The following PBRM1 variants were observed in gnomAD, a reference collection of about 807,000 sequenced individuals.
PBRM1 encodes polybromo 1.
A neutral mutation model predicts 194.5 loss-of-function variants in PBRM1; 27 were observed. That is an observed-to-expected ratio of 0.14 (90% CI 0.10 to 0.19). The LOEUF (loss-of-function observed/expected upper bound fraction) is 0.19, where lower values mean the gene tolerates loss of function less well. Ranked by LOEUF, PBRM1 falls within the 10% of genes least tolerant of loss-of-function variation. The pLI is 1.00. For missense variants in PBRM1, 1,466 were observed against 2,077.2 expected (o/e 0.71, Z 5.72); for synonymous variants, 655 against 693.2 (o/e 0.94, Z 0.87).
At chr3:52,558,009 C>T (rs1350314208) in intron 26 of PBRM1, among the ~76,000 whole-genome samples, 1 of 152,200 alleles carries the variant, frequency 6.6e-6, no homozygotes, top group Non-Finnish European at 1.5e-5. Context: ...CCAGACCATG[C>T]CCACAGCCAG....
At position 52,617,371 on chromosome 3, in the gene PBRM1, A is replaced by AT; in HGVS notation, c.1708dup (p.Ile570AsnfsTer3). On this transcript the variant is annotated frameshift_variant, in exon 14 of 30. Coordinates refer to ENST00000296302, the Ensembl canonical transcript of PBRM1. LOFTEE classifies it high-confidence loss of function. The stretch of plus-strand genomic sequence containing the variant: ...GTCATTGCGGATGTTATGCTCAATT[A>AT]TTTTCAAGTCCATTGGCTCCAAGAT... 6.2e-7 allele frequency: 1 copy of AT among 1,613,840 alleles called. No individual in the cohort carries two copies. The highest frequency in any genetic ancestry group is 8.5e-7 in the Non-Finnish European group (1 of 1,179,852).
At chr3:52,583,881 C>A (rs1201457569) in intron 20 of PBRM1, among the ~76,000 whole-genome samples, 12 of 152,290 alleles carry the variant, frequency 7.9e-5, no homozygotes, top group African/African-American at 2.9e-4. Flanking sequence ...CTGGCTTCAA[C>A]TGATCCACTT....
rs748723705 is a variant in PBRM1 at position 52,570,072 on chromosome 3, AG to A, written c.3692-5840del. The stretch of plus-strand genomic sequence containing the variant: ...CTGCAACCTCCACCTCCCAAGTTCA[AG>A]TGATTCTTTTGCCTCAGCCTCCCCA... On this transcript the variant is annotated intron_variant, in intron 22 of 29. Coordinates refer to ENST00000296302, the Ensembl canonical transcript of PBRM1. Among the ~76,000 whole-genome samples, 80 of 152,156 alleles carry A rather than the reference AG, an allele frequency of 5.3e-4. 1 individual carries two copies. The highest frequency in any genetic ancestry group is 1.0e-4 in the Non-Finnish European group (7 of 68,014).
In PBRM1 at chr3:52,608,795, C is replaced by T. The variant is rs1339278762; in HGVS notation, c.2567+518G>A. ...TTTAAAGTAAATCTAAATTTGATTG[C>T]TTCTTTTAGAACATTTAATGTCTTC... On this transcript the variant is annotated intron_variant, in intron 16 of 29. Coordinates refer to ENST00000296302, the Ensembl canonical transcript of PBRM1. 2.0e-5 allele frequency among the ~76,000 whole-genome samples: 3 copies of T among 151,514 alleles called. No homozygotes were observed. The East Asian group carries it at 5.8e-4, about 29-fold the overall frequency.
At chr3:52,591,810 G>A (rs1251598303) in intron 17 of PBRM1, among the ~76,000 whole-genome samples, 3 of 123,088 alleles carry the variant, frequency 2.4e-5, no homozygotes, top group South Asian at 2.6e-4. Context: ...CAGCCACTGC[G>A]CCCGGCCTTT....
intron 6 of PBRM1, among the ~76,000 whole-genome samples, chr3:52,651,364 A>G (rs2096487871): frequency 6.6e-6 from 1 of 152,202 alleles, no homozygotes; most frequent in Non-Finnish European, 1.5e-5. Flanking sequence ...AGATAAAAAT[A>G]AACAACAGGT....
At chr3:52,634,778 G>A in exon 11 of PBRM1, 2 of 1,614,014 alleles carry the variant, frequency 1.2e-6, no homozygotes, top group Non-Finnish European at 1.7e-6. Flanking sequence ...AGGAAGTGAT[G>A]CTTTCTGCTT....
At chr3:52,551,326 C>T (rs765463497) in intron 27 of PBRM1, among the ~76,000 whole-genome samples, 1 of 152,236 alleles carries the variant, frequency 6.6e-6, no homozygotes, top group Non-Finnish European at 1.5e-5. Flanking sequence ...CCCTCCCAGA[C>T]CATCAGCAGC....
At chr3:52,656,441 A>G (rs929720544) in intron 5 of PBRM1, among the ~76,000 whole-genome samples, 64 of 152,194 alleles carry the variant, frequency 4.2e-4, no homozygotes, top group South Asian at 2.1e-4. Context: ...AGGCAGGTGC[A>G]TCACTTGAGG....
chr3:52,679,779 G>A (rs185804141), upstream of PBRM1: 13 of 1,430,768 alleles, frequency 9.1e-6, no homozygotes, highest in Admixed American at 2.1e-4. Context: ...CTGTCACCAA[G>A]TCTTCAGCTG....
At chr3:52,670,704 C>T (rs1482029375) in intron 2 of PBRM1, among the ~76,000 whole-genome samples, 1 of 152,168 alleles carries the variant, frequency 6.6e-6, no homozygotes, top group East Asian at 1.9e-4. Context: ...CTACTAAAGA[C>T]TATATTCTCA....
At chr3:52,640,697 A>G (rs905067143) in intron 10 of PBRM1, among the ~76,000 whole-genome samples, 1 of 152,112 alleles carries the variant, frequency 6.6e-6, no homozygotes, top group African/African-American at 2.4e-5. Flanking sequence ...GCTGGAGTAC[A>G]GTGGTGTGAT....
chr3:52,633,204 TG>T (rs2095680872), intron 11 of PBRM1, among the ~76,000 whole-genome samples: 1 of 152,244 alleles, frequency 6.6e-6, no homozygotes, highest in Non-Finnish European at 1.5e-5. Flanking sequence ...TTTTTTTTAA[TG>T]TTCTGGATCA....
At chr3:52,681,985 A>C, upstream of PBRM1, 2 of 157,750 alleles carry the variant, frequency 1.3e-5, no homozygotes, top group Non-Finnish European at 1.4e-5. Flanking sequence ...TATCAAACAA[A>C]CTGCTGCAAA....
At chr3:52,575,508 CTTTTTT>C (rs1177139118) in intron 22 of PBRM1, among the ~76,000 whole-genome samples, 4 of 87,138 alleles carry the variant, frequency 4.6e-5, no homozygotes, top group Admixed American at 1.3e-4. Context: ...AATCAATTGT[CTTTTTT>C]TTTTTTTTTT....
chr3:52,624,981 A>G, intron 13 of PBRM1, 40 bp from the exon 15 acceptor site: 1 of 1,416,664 alleles, frequency 7.1e-7, no homozygotes, highest in Non-Finnish European at 9.8e-7. Context: ...AAAGAGAAAC[A>G]AAACAAGCAA....
intron 16 of PBRM1, among the ~76,000 whole-genome samples, 164 bp from the exon 19 acceptor site, chr3:52,603,896 T>C (rs2153352160): frequency 6.6e-6 from 1 of 152,318 alleles, no homozygotes; most frequent in East Asian, 1.9e-4. Flanking sequence ...AAATCCAAAG[T>C]GTCATTTTAC....
chr3:52,649,603 T>C (rs1320718041), intron 6 of PBRM1, among the ~76,000 whole-genome samples: 1 of 152,222 alleles, frequency 6.6e-6, no homozygotes, highest in Non-Finnish European at 1.5e-5. Context: ...CTATCCAATA[T>C]GCTTTTCAAA....
At chr3:52,663,984 G>A (rs1287707348) in intron 3 of PBRM1, among the ~76,000 whole-genome samples, 2 of 151,692 alleles carry the variant, frequency 1.3e-5, no homozygotes, top group African/African-American at 2.4e-5. Flanking sequence ...GGCGTGAACC[G>A]GGGAGGCGGA....
Sources: gnomAD v4.1 joint callset for allele counts (sites outside exome capture counted in the v4.1 genomes callset) on GRCh38, gnomAD v4.1.1 for gene constraint, MANE v1.5 for transcripts, NCBI Gene and HGNC (gene_info 2026-07-23, HGNC 2026-07-21) for gene names.